NBR1: variants seen among roughly 807,000 people sequenced by gnomAD.
NBR1 encodes next to BRCA1 gene 1 protein.
A neutral mutation model predicts 115.5 loss-of-function variants in NBR1; 59 were observed. The ratio of observed to expected loss-of-function variants is 0.51; its 90% CI spans 0.41 to 0.63. The LOEUF is 0.63. Ranked by LOEUF, NBR1 falls within the 30% of genes least tolerant of loss-of-function variation. The pLI, the probability that NBR1 is intolerant of heterozygous loss-of-function variation, is 0.00. For synonymous variants in NBR1, 373 were observed against 414.7 expected (o/e 0.90, Z 1.22); for missense variants, 1,043 against 1,150.5 (o/e 0.91, Z 1.35).
chr17:43,181,195 C>G (rs145101019), intron 5 of NBR1, among the ~76,000 whole-genome samples: 33 of 152,236 alleles, frequency 2.2e-4, no homozygotes, highest in African/African-American at 7.7e-4. Flanking sequence ...GACTGAAACT[C>G]AAACCTGAAT....
rs1004460248 is a variant in NBR1 at position 43,180,209 on chromosome 17, A to C, written c.185-586A>C. Among the ~76,000 whole-genome samples, 9 of 152,320 alleles carry C rather than the reference A, an allele frequency of 5.9e-5. No individual in the cohort carries two copies. In the East Asian group the frequency reaches 1.7e-3, roughly 29 times the overall value. The stretch of plus-strand genomic sequence containing the variant: ...AGAGATTTGTACTGAGAAATGCATC[A>C]ATTAGGTGATTTTGTCATTATATGG... On this transcript the variant is annotated intron_variant, in intron 4 of 20. Coordinates refer to ENST00000590996, the MANE Select transcript of NBR1 (RefSeq NM_005899.5).
Position 43,193,499 on chromosome 17 carries a change from C to T in NBR1, c.1385C>T (p.Ser462Phe). ...EGTYTSHWRL[S>F]HKGQQFGPRV... ...ACGTATACTTCCCATTGGCGTCTTTCTCACAAAGGCCAGCAATTTGGGCCT... is the reference window on the plus strand; with the variant it reads ...ACGTATACTTCCCATTGGCGTCTTTTTCACAAAGGCCAGCAATTTGGGCCT... Residue 462 changes from serine to phenylalanine, a missense_variant, in exon 12 of 21, where the codon TCT becomes TTT. Transcript: ENST00000590996. 2.5e-6 allele frequency: 4 copies of T among 1,613,854 alleles called. No homozygotes were observed. The highest frequency in any genetic ancestry group is 3.4e-6 in the Non-Finnish European group (4 of 1,179,840).
chr17:43,192,605 G>A (rs780035098), intron 10 of NBR1, among the ~76,000 whole-genome samples: 7 of 151,776 alleles, frequency 4.6e-5, no homozygotes, highest in East Asian at 3.9e-4. Context: ...TCCTGACCTC[G>A]TGATCTATCT....
intron 1 of NBR1, 40 bp from the exon 2 acceptor site, chr17:43,175,751 T>C (rs758636594): frequency 2.2e-6 from 2 of 927,828 alleles, no homozygotes; most frequent in Non-Finnish European, 3.4e-6. Context: ...CCCTTTCTAA[T>C]GTGTTTTTCT....
intron 8 of NBR1, 114 bp downstream of exon 8, chr17:43,189,916 G>A (rs2056902682): frequency 3.4e-6 from 3 of 875,576 alleles, no homozygotes; most frequent in Non-Finnish European, 5.4e-6. Flanking sequence ...AGCATTAGAT[G>A]TTGTAGCTGT....
intron 3 of NBR1, among the ~76,000 whole-genome samples, chr17:43,178,695 A>G (rs7220009): frequency 0.015 from 2,240 of 151,900 alleles, 47 homozygotes; most frequent in African/African-American, 0.051. Flanking sequence ...TTTTAAAATT[A>G]TATAGTGACC....
intron 7 of NBR1, 32 bp from the exon 8 acceptor site, chr17:43,189,556 G>C (rs1306816459): frequency 6.4e-7 from 1 of 1,552,440 alleles, no homozygotes; most frequent in East Asian, 2.2e-5. Context: ...TTGGAACTGA[G>C]TTTTTTCCCT....
chr17:43,203,833 A>ACTG, intron 20 of NBR1, 47 bp downstream of exon 20: 1 of 1,192,338 alleles, frequency 8.4e-7, no homozygotes, highest in Non-Finnish European at 1.2e-6. Flanking sequence ...CCATGTCACC[A>ACTG]GTGAAAGTGA....
At chr17:43,187,610 G>A (rs1489612322) in intron 6 of NBR1, among the ~76,000 whole-genome samples, 5 of 141,702 alleles carry the variant, frequency 3.5e-5, no homozygotes, top group East Asian at 2.2e-4. Flanking sequence ...CCAGGTTCAC[G>A]TGATTCTCCT....
intron 14 of NBR1, chr17:43,195,290 G>A (rs955434805): frequency 2.0e-5 from 9 of 460,100 alleles, no homozygotes; most frequent in Middle Eastern, 5.9e-4. Flanking sequence ...ATCACTTGAG[G>A]CCAGGGTTTG....
At chr17:43,176,449 T>C (rs1342512338) in intron 2 of NBR1, 1 of 152,330 alleles carries the variant, frequency 6.6e-6, no homozygotes, top group Non-Finnish European at 1.5e-5. Flanking sequence ...TCTTCTGTTT[T>C]TGTTCAGTTT....
intron 1 of NBR1, among the ~76,000 whole-genome samples, chr17:43,172,402 T>C (rs572381454): frequency 6.6e-6 from 1 of 152,344 alleles, no homozygotes; most frequent in East Asian, 1.9e-4. Context: ...TTTCCAATTG[T>C]GTAATTTGAG....
At chr17:43,181,505 A>G (rs935031223) in intron 5 of NBR1, among the ~76,000 whole-genome samples, 1 of 127,240 alleles carries the variant, frequency 7.9e-6, no homozygotes, top group Non-Finnish European at 1.7e-5. Context: ...CCCTGTCTCT[A>G]CTAAAAATAC....
intron 1 of NBR1, among the ~76,000 whole-genome samples, chr17:43,174,088 TTCTTA>T (rs1012627222): frequency 2.0e-5 from 3 of 152,174 alleles, no homozygotes; most frequent in Non-Finnish European, 4.4e-5. Context: ...TTTTAAAAAA[TTCTTA>T]TCTTTTAGAG....
At chr17:43,209,593 A>C (rs1213107817) in intron 20 of NBR1, 4 of 1,535,366 alleles carry the variant, frequency 2.6e-6, no homozygotes, top group African/African-American at 2.7e-5. Flanking sequence ...TCATCTGGCC[A>C]AAAAATGCTT....
In NBR1 at chr17:43,210,703, G is replaced by A. The variant is rs765100539; in HGVS notation, c.*629G>A. 1.5e-5 allele frequency: 6 copies of A among 398,362 alleles called. No homozygotes were observed. Among genetic ancestry groups the A allele is most frequent in the East Asian group, 3.6e-5 (1 of 28,064 alleles). 24.7% of individuals were successfully genotyped at this position (398,362 alleles called of 1,614,324 possible). A position where few individuals can be genotyped will look rare whatever the true frequency, so the allele number is the denominator to read the frequency against. Reference sequence around the variant, plus strand: ...AGTATCCAACTTCAAGGGAATCTCCGCATTTCAATGAAAGGAGGAAGAGTG... The same window carrying A: ...AGTATCCAACTTCAAGGGAATCTCCACATTTCAATGAAAGGAGGAAGAGTG... On this transcript the variant is annotated 3_prime_UTR_variant, in exon 21 of 21. Transcript: ENST00000590996.
chr17:43,175,624 G>T (rs2056493536), intron 1 of NBR1, among the ~76,000 whole-genome samples, 167 bp from the exon 2 acceptor site: 1 of 120,088 alleles, frequency 8.3e-6, no homozygotes, highest in Non-Finnish European at 1.8e-5. Context: ...AACAGTGATG[G>T]TAAGTTTCGT....
Position 43,196,552 on chromosome 17 carries a change from G to C in NBR1, c.1822G>C (p.Glu608Gln), listed in dbSNP as rs1159544375. 6.2e-7 allele frequency: 1 copy of C among 1,606,752 alleles called. No individual in the cohort carries two copies. The highest frequency in any genetic ancestry group is 1.1e-5 in the South Asian group (1 of 89,386). The change falls in exon 15 of 21, where the codon GAG becomes CAG. Residue 608 changes from glutamate to glutamine, a missense_variant. Coordinates refer to ENST00000590996, the MANE Select transcript of NBR1 (RefSeq NM_005899.5). ...AGAGAAGCCAGGCTTGGGGCAGATAGAGGAAGAGAATGAAGGGGCAGGATT... is the reference window on the plus strand; with the variant it reads ...AGAGAAGCCAGGCTTGGGGCAGATACAGGAAGAGAATGAAGGGGCAGGATT... ...LIEKPGLGQI[E>Q]EENEGAGFKA... is the part of the protein sequence containing the mutation.
At chr17:43,179,449 A>G (rs926884257) in intron 4 of NBR1, 37 bp downstream of exon 4, 4 of 1,593,534 alleles carry the variant, frequency 2.5e-6, no homozygotes, top group Non-Finnish European at 2.6e-6. Flanking sequence ...CCTTGTTTAA[A>G]AACCTTAATC....
Sources: allele counts gnomAD v4.1 joint callset (sites outside exome capture counted in the v4.1 genomes callset), GRCh38; gene constraint gnomAD v4.1.1; transcripts MANE v1.5; gene names NCBI Gene and HGNC (gene_info 2026-07-23, HGNC 2026-07-21).